The following ANKAR variants were observed in gnomAD, a reference collection of about 807,000 sequenced individuals.
ANKAR encodes the protein ankyrin and armadillo repeat-containing protein.
A neutral mutation model predicts 146.2 loss-of-function variants in ANKAR; 136 were observed. The ratio of observed to expected loss-of-function variants is 0.93; its 90% CI spans 0.81 to 1.07. The LOEUF (loss-of-function observed/expected upper bound fraction) is 1.07, where lower values mean the gene tolerates loss of function less well. Ranked by LOEUF, ANKAR falls within the 50% of genes least tolerant of loss-of-function variation. ANKAR has a pLI of 0.00. For missense variants in ANKAR, 1,567 were observed against 1,679.9 expected (o/e 0.93, Z 1.18); for synonymous variants, 500 against 575.8 (o/e 0.87, Z 1.88).
chr2:189,754,160 CATT>C (rs780894200), intron 18 of ANKAR: 3 of 1,610,384 alleles, frequency 1.9e-6, no homozygotes, highest in Admixed American at 3.4e-5. Flanking sequence ...TTTCCTTTTT[CATT>C]ATTATTTTAT....
chr2:189,711,266 T>C, intron 10 of ANKAR, 113 bp downstream of exon 10: 1 of 745,158 alleles, frequency 1.3e-6, no homozygotes, highest in East Asian at 3.0e-5. Context: ...TTAGTTGATT[T>C]TCAGTTTCTT....
chr2:189,705,065 AAAC>A lies in ANKAR; in HGVS notation c.1756_1758del (p.Thr586del), dbSNP rs2038734676. ...CTTGCTGCACAGGCTTGCTCATTAG[AAAC>A]AACAGTTTGTCTACTGTGTTCCAAA... is the stretch of plus-strand genomic sequence containing the variant. On this transcript the variant is annotated inframe_deletion, in exon 8 of 23. Coordinates refer to ENST00000684021, the MANE Select transcript of ANKAR (RefSeq NM_001378068.1). The A allele has an allele frequency of 6.2e-7, 1 of 1,613,970 alleles. No individual in the cohort carries two copies. Among genetic ancestry groups the A allele is most frequent in the African/African-American group, 1.3e-5 (1 of 74,918 alleles).
At chr2:189,746,107 C>A (rs2044123957) in intron 22 of ANKAR, among the ~76,000 whole-genome samples, 1 of 152,124 alleles carries the variant, frequency 6.6e-6, no homozygotes, top group Admixed American at 6.5e-5. Flanking sequence ...GCCTTTTACA[C>A]TTTTTTTAGT....
At chr2:189,759,902 G>A (rs939544090) in intron 18 of ANKAR, among the ~76,000 whole-genome samples, 5 of 152,148 alleles carry the variant, frequency 3.3e-5, no homozygotes, top group African/African-American at 9.7e-5. Context: ...AGAGGACTCT[G>A]CGGCCTTCTG....
At chr2:189,727,412 G>A (rs1330296585) in intron 12 of ANKAR, among the ~76,000 whole-genome samples, 1 of 151,484 alleles carries the variant, frequency 6.6e-6, no homozygotes, top group Non-Finnish European at 1.5e-5. Flanking sequence ...GTGCACACCT[G>A]TAGTCCCAGC....
chr2:189,711,813 A>G (rs1461240864), intron 10 of ANKAR, among the ~76,000 whole-genome samples: 1 of 152,214 alleles, frequency 6.6e-6, no homozygotes, highest in Non-Finnish European at 1.5e-5. Context: ...GGGAAGCACA[A>G]GGGGTTGGGG....
In ANKAR at chr2:189,707,026, A is replaced by C; in HGVS notation, c.1999A>C (p.Lys667Gln). 4.3e-6 allele frequency: 7 copies of C among 1,613,706 alleles called. No homozygotes were observed. The highest frequency in any genetic ancestry group is 5.9e-6 in the Non-Finnish European group (7 of 1,179,710). The change falls in exon 9 of 23, where the codon AAA (lysine) becomes CAA (glutamine). Residue 667 changes from lysine (K) to glutamine (Q), a missense_variant. Transcript: ENST00000684021. The stretch of plus-strand genomic sequence containing the variant: ...GTTTTCTATCGGTGCTAACTGGAGA[A>C]AAACAGATATTAAAGGAAATAATAT... Reference protein sequence around the residue: ...YLFSIGANWRKTDIKGNNIIH... With the variant: ...YLFSIGANWRQTDIKGNNIIH...
chr2:189,728,832 T>G lies in ANKAR; in HGVS notation c.3193+11T>G. The G allele has an allele frequency of 6.3e-7, 1 of 1,599,216 alleles. No individual in the cohort carries two copies. The highest frequency in any genetic ancestry group is 8.5e-7 in the Non-Finnish European group (1 of 1,170,992). On this transcript the variant is annotated intron_variant, in intron 15 of 22. Transcript: ENST00000684021. ...GATCCATTTGTATTGGTTTGTATACTTATTCTCAATTTCTTAAATATCTGT... is the reference window on the plus strand; with the variant it reads ...GATCCATTTGTATTGGTTTGTATACGTATTCTCAATTTCTTAAATATCTGT...
Position 189,746,419 on chromosome 2 carries a change from CA to C in ANKAR, c.4101del (p.Asp1368IlefsTer3). 1 of 1,606,908 alleles carries C rather than the reference CA, an allele frequency of 6.2e-7. No homozygotes were observed. The highest frequency in any genetic ancestry group is 1.3e-5 in the African/African-American group (1 of 74,412). ...HRRKLKPKIQ[P>X]KDSLTLLPPV... Reference sequence around the variant, plus strand: ...AGAAAATTAAAACCTAAAATTCAACCAAAAGATTCTTTGACTTTATTACCTC... The same window carrying C: ...AGAAAATTAAAACCTAAAATTCAACCAAAGATTCTTTGACTTTATTACCTC... On this transcript the variant is annotated frameshift_variant, in exon 23 of 23. Transcript: ENST00000684021. LOFTEE classifies it high-confidence loss of function.
downstream of ANKAR, among the ~76,000 whole-genome samples, chr2:189,748,129 G>A (rs1407591593): frequency 1.3e-5 from 2 of 152,174 alleles, no homozygotes; most frequent in Admixed American, 6.5e-5. Flanking sequence ...TATTTTCCCC[G>A]ATATGTACTT....
chr2:189,741,432 T>C lies in ANKAR; in HGVS notation c.3791T>C (p.Leu1264Ser). The C allele has an allele frequency of 6.2e-7, 1 of 1,609,146 alleles. No individual in the cohort carries two copies. Among genetic ancestry groups the C allele is most frequent in the Non-Finnish European group, 8.5e-7 (1 of 1,177,616 alleles). ...ACAATCCAACGGCTCTGCTATCATTTGTACTCGGGAATAGAAGAGGTAAAA... is the reference window on the plus strand; with the variant it reads ...ACAATCCAACGGCTCTGCTATCATTCGTACTCGGGAATAGAAGAGGTAAAA... ...LGTIQRLCYHLYSGIEEVRAA... is the reference protein window; with the variant it reads ...LGTIQRLCYHSYSGIEEVRAA... The change falls in exon 20 of 23, where the codon TTG (leucine) becomes TCG (serine). Residue 1264 changes from leucine to serine, a missense_variant. Leu to Ser is a moderately radical substitution (Grantham distance 145, BLOSUM62 -2). Transcript: ENST00000684021.
intron 5 of ANKAR, 51 bp from the exon 6 acceptor site, chr2:189,694,930 C>A: frequency 8.3e-7 from 1 of 1,197,850 alleles, no homozygotes; most frequent in South Asian, 2.7e-5. Context: ...AGAGAAGTAG[C>A]AAATCACTTC....
intron 2 of ANKAR, among the ~76,000 whole-genome samples, chr2:189,685,344 T>C (rs781458668): frequency 1.3e-5 from 2 of 152,104 alleles, no homozygotes; most frequent in Non-Finnish European, 2.9e-5. Context: ...CTCCATGTAC[T>C]TACTACTAAT....
chr2:189,755,132 CAACAT>C, intron 18 of ANKAR: 1 of 1,582,486 alleles, frequency 6.3e-7, no homozygotes. Flanking sequence ...TTGAAATGGA[CAACAT>C]AACAAAAAAG....
At chr2:189,716,284 A>G (rs1195800343) in intron 10 of ANKAR, among the ~76,000 whole-genome samples, 3 of 152,210 alleles carry the variant, frequency 2.0e-5, no homozygotes, top group Non-Finnish European at 4.4e-5. Context: ...AAGCATTCTT[A>G]TACACCAATA....
intron 7 of ANKAR, among the ~76,000 whole-genome samples, chr2:189,698,934 T>A (rs1276425162): frequency 2.0e-5 from 3 of 152,230 alleles, no homozygotes; most frequent in Non-Finnish European, 4.4e-5. Flanking sequence ...AACAATAGTG[T>A]GCCTCCTACA....
At chr2:189,712,047 C>T (rs1365166871) in intron 10 of ANKAR, among the ~76,000 whole-genome samples, 1 of 152,196 alleles carries the variant, frequency 6.6e-6, no homozygotes, top group African/African-American at 2.4e-5. Context: ...GGGGGAGGGG[C>T]ATTCGCCACT....
In ANKAR at chr2:189,696,176, T is replaced by C; in HGVS notation, c.1515T>C (p.Ala505=). The C allele has an allele frequency of 6.2e-7, 1 of 1,614,094 alleles. No individual in the cohort carries two copies. Among genetic ancestry groups the C allele is most frequent in the African/African-American group, 1.3e-5 (1 of 75,058 alleles). ...CKSIPFGMKS[A]VERGLSAVFH... Reference sequence around the variant, plus strand: ...GTATTCCATTTGGTATGAAGTCCGCTGTTGAAAGAGGGTTGTCTGCAGTTT... The same window carrying C: ...GTATTCCATTTGGTATGAAGTCCGCCGTTGAAAGAGGGTTGTCTGCAGTTT... The change falls in exon 7 of 23, where the codon GCT becomes GCC. Residue 505 remains alanine (A), a synonymous_variant. Coordinates refer to ENST00000684021, the MANE Select transcript of ANKAR (RefSeq NM_001378068.1).
At chr2:189,752,656 G>C in intron 18 of ANKAR, 1 of 1,613,512 alleles carries the variant, frequency 6.2e-7, no homozygotes, top group Non-Finnish European at 8.5e-7. Flanking sequence ...CACATACTTT[G>C]GTTCATAGCG....
Sources: allele counts gnomAD v4.1 joint callset (sites outside exome capture counted in the v4.1 genomes callset), GRCh38; gene constraint gnomAD v4.1.1; transcripts MANE v1.5; gene names NCBI Gene and HGNC (gene_info 2026-07-23, HGNC 2026-07-21).